The following CAMK1D variants were observed in gnomAD, a reference collection of about 807,000 sequenced individuals.
CAMK1D encodes the protein calcium/calmodulin dependent protein kinase ID.
In CAMK1D, 9 loss-of-function variants were observed where a neutral mutation model predicts 47.7. The observed-to-expected ratio is 0.19, with a 90% CI of 0.11 to 0.33. The LOEUF (loss-of-function observed/expected upper bound fraction) is 0.33. CAMK1D is among the 10% of genes least tolerant of loss of function. The pLI is 1.00. For synonymous variants in CAMK1D, 184 were observed against 184.9 expected, an observed-to-expected ratio of 0.99 and a Z score of 0.04; for missense variants, 291 against 488.7, an observed-to-expected ratio of 0.60 and a Z score of 3.81.
chr10:12,565,553 G>A (rs1837097029), intron 2 of CAMK1D, among the ~76,000 whole-genome samples: 3 of 152,164 alleles, frequency 2.0e-5, no homozygotes, highest in South Asian at 2.1e-4. Context: ...CGCGCCTGGC[G>A]ACATCTCAGT....
chr10:12,371,980 T>C (rs1252388169), intron 1 of CAMK1D, among the ~76,000 whole-genome samples: 1 of 152,160 alleles, frequency 6.6e-6, no homozygotes, highest in Non-Finnish European at 1.5e-5. Context: ...AAAAATCTTT[T>C]ACATTGTATT....
rs566799159 is a variant in CAMK1D, at chr10:12,611,001, A to G, written c.225-55735A>G. Among the ~76,000 whole-genome samples, 18 of 152,332 alleles carry G rather than the reference A, an allele frequency of 1.2e-4. No individual in the cohort carries two copies. The South Asian group carries it at 3.7e-3, about 32-fold the overall frequency. Reference sequence around the variant, plus strand: ...GTATATACTAGGCACTCTTAGGAGTACTTTATGTATTCAACCAAGTAACAA... The same window carrying G: ...GTATATACTAGGCACTCTTAGGAGTGCTTTATGTATTCAACCAAGTAACAA... On this transcript the variant is annotated intron_variant, in intron 2 of 10. Coordinates refer to ENST00000619168, the MANE Select transcript of CAMK1D (RefSeq NM_153498.4).
chr10:12,704,724 C>T (rs375265405), intron 3 of CAMK1D, among the ~76,000 whole-genome samples: 6 of 152,108 alleles, frequency 3.9e-5, no homozygotes, highest in Admixed American at 3.9e-4. Flanking sequence ...TTGCAATCTG[C>T]GATGGCAAAC....
chr10:12,780,252 C>G (rs1837436024), intron 5 of CAMK1D, among the ~76,000 whole-genome samples: 1 of 152,194 alleles, frequency 6.6e-6, no homozygotes, highest in African/African-American at 2.4e-5. Context: ...GACCTCTATC[C>G]TCAAAGCCAC....
intron 1 of CAMK1D, among the ~76,000 whole-genome samples, chr10:12,526,049 C>T (rs1032443914): frequency 2.0e-5 from 3 of 152,228 alleles, no homozygotes; most frequent in African/African-American, 7.2e-5. Flanking sequence ...TGAGCCGCCG[C>T]ACCCGGCCCT....
chr10:12,678,044 G>A (rs1588774610), intron 3 of CAMK1D, among the ~76,000 whole-genome samples: 1 of 151,994 alleles, frequency 6.6e-6, no homozygotes, highest in East Asian at 1.9e-4. Flanking sequence ...AAAAAAAAAG[G>A]CATAATCTGG....
rs140330849 is a variant in CAMK1D, at chr10:12,376,487, C to T, written c.92+26577C>T. Among the ~76,000 whole-genome samples the T allele has an allele frequency of 4.9e-4, 75 of 152,268 alleles. 3 individuals are homozygous for T. The East Asian group carries it at 0.012, about 25-fold the overall frequency. On this transcript the variant is annotated intron_variant, in intron 1 of 10. Transcript: ENST00000619168. ...GGCAGGTCCTGGGAAACTCCACCAC[C>T]GGCCAGTGGTCCAGGGAGTGCCGCC...
chr10:12,813,868 T>C (rs895850043), intron 6 of CAMK1D, among the ~76,000 whole-genome samples: 1 of 151,154 alleles, frequency 6.6e-6, no homozygotes, highest in South Asian at 2.1e-4. Context: ...TCAAGGATTC[T>C]CCCTTGAGGC....
At chr10:12,814,350 C>T (rs749507848) in intron 7 of CAMK1D, 43 bp downstream of exon 7, 1 of 1,260,412 alleles carries the variant, frequency 7.9e-7, no homozygotes, top group African/African-American at 1.5e-5. Context: ...GCCCCCGCGA[C>T]ACTTACACCC....
intron 3 of CAMK1D, among the ~76,000 whole-genome samples, chr10:12,730,210 G>T (rs942912361): frequency 6.6e-6 from 1 of 152,094 alleles, no homozygotes; most frequent in Non-Finnish European, 1.5e-5. Flanking sequence ...AGGGAGATGG[G>T]GTAGGATTCT....
intron 1 of CAMK1D, among the ~76,000 whole-genome samples, chr10:12,392,561 T>C (rs992523167): frequency 1.3e-5 from 2 of 152,242 alleles, no homozygotes; most frequent in African/African-American, 2.4e-5. Context: ...TTTATTATCA[T>C]GTACCATATG....
intron 1 of CAMK1D, among the ~76,000 whole-genome samples, chr10:12,524,481 G>A (rs1394223107): frequency 2.0e-5 from 3 of 151,954 alleles, no homozygotes; most frequent in Non-Finnish European, 4.4e-5. Context: ...GCTGAGGCGG[G>A]CGGATCACGA....
At chr10:12,662,998 G>A (rs77650717) in intron 2 of CAMK1D, among the ~76,000 whole-genome samples, 7,522 of 152,144 alleles carry the variant, frequency 0.049, 217 homozygotes, top group Non-Finnish European at 0.066. Flanking sequence ...TTTTGCTCTG[G>A]TTGCCCAGGC....
At position 12,789,015 on chromosome 10, in the gene CAMK1D, G is replaced by A. The variant is rs143021718; in HGVS notation, c.566-2143G>A. 7.9e-3 allele frequency among the ~76,000 whole-genome samples: 1,207 copies of A among 152,362 alleles called. 13 individuals are homozygous for A. Among genetic ancestry groups the A allele is most frequent in the Middle Eastern group, 0.034 (10 of 294 alleles). ...ATCCCTCACTGCCATAGGCAGAGGC[G>A]CTCAGCAGTGGTTTGTCTACCTTCC... On this transcript the variant is annotated intron_variant, in intron 5 of 10. Transcript: ENST00000619168.
At chr10:12,583,123 C>A (rs1401648425) in intron 2 of CAMK1D, among the ~76,000 whole-genome samples, 1 of 151,918 alleles carries the variant, frequency 6.6e-6, no homozygotes, top group African/African-American at 2.4e-5. Context: ...ACAAGCCCAA[C>A]AATTTTTTAT....
intron 8 of CAMK1D, among the ~76,000 whole-genome samples, chr10:12,819,076 C>G (rs982920489): frequency 1.3e-5 from 2 of 152,158 alleles, no homozygotes; most frequent in Non-Finnish European, 2.9e-5. Context: ...CATACTTGCT[C>G]TGTAGAAGGC....
At chr10:12,737,530 A>G (rs1403943606) in intron 3 of CAMK1D, among the ~76,000 whole-genome samples, 6 of 151,896 alleles carry the variant, frequency 4.0e-5, no homozygotes, top group Non-Finnish European at 8.8e-5. Flanking sequence ...TGTCCTCTCA[A>G]CTTGCAAAGT....
chr10:12,483,800 C>T (rs1834133440), intron 1 of CAMK1D, among the ~76,000 whole-genome samples: 1 of 152,164 alleles, frequency 6.6e-6, no homozygotes, highest in Non-Finnish European at 1.5e-5. Context: ...GATTCTCCTG[C>T]CTTTGCCTCC....
chr10:12,442,279 A>G (rs1832805400), intron 1 of CAMK1D, among the ~76,000 whole-genome samples: 1 of 152,196 alleles, frequency 6.6e-6, no homozygotes, highest in Non-Finnish European at 1.5e-5. Flanking sequence ...CAGGAGATGG[A>G]GACCATCCTG....
Sources: allele counts gnomAD v4.1 joint callset (sites outside exome capture counted in the v4.1 genomes callset), GRCh38; gene constraint gnomAD v4.1.1; transcripts MANE v1.5; gene names NCBI Gene and HGNC (gene_info 2026-07-23, HGNC 2026-07-21).